Variants in PCGF3 observed in about 807,000 individuals in gnomAD.
PCGF3 encodes polycomb group ring finger 3.
A neutral mutation model predicts 33.1 loss-of-function variants in PCGF3; 7 were observed. The observed-to-expected ratio is 0.21, with a 90% CI of 0.12 to 0.40. The LOEUF is 0.40. PCGF3 is among the 10% of genes least tolerant of loss of function. The probability of loss-of-function intolerance (pLI) is 1.00; values close to 1 mark genes in which losing one functional copy is unlikely to be tolerated. For missense variants in PCGF3, 211 were observed against 313.3 expected (o/e 0.67, Z 2.46); for synonymous variants, 153 against 121.3 (o/e 1.26, Z -1.72).
chr4:755,599 T>C (rs1203251034), intron 8 of PCGF3, among the ~76,000 whole-genome samples: 2 of 152,226 alleles, frequency 1.3e-5, no homozygotes, highest in Admixed American at 1.3e-4. Flanking sequence ...GTTTCCCCAT[T>C]CTAAGGTCAT....
chr4:749,296 C>T (rs1744405635), intron 8 of PCGF3, among the ~76,000 whole-genome samples: 1 of 152,098 alleles, frequency 6.6e-6, no homozygotes, highest in South Asian at 2.1e-4. Context: ...TCCCAAGTAG[C>T]TGGGATTACA....
intron 1 of PCGF3, among the ~76,000 whole-genome samples, chr4:715,941 G>GT: frequency 1.9e-5 from 1 of 52,624 alleles, no homozygotes. Flanking sequence ...AGACACTGAG[G>GT]GTGAGAACTG....
intron 4 of PCGF3, chr4:734,662 C>T: frequency 7.7e-7 from 1 of 1,292,164 alleles, no homozygotes; most frequent in Non-Finnish European, 9.8e-7. Flanking sequence ...CTTTGAGCAT[C>T]ATCTCCCCAT....
chr4:747,679 T>G (rs1744318394), intron 8 of PCGF3, among the ~76,000 whole-genome samples: 1 of 138,544 alleles, frequency 7.2e-6, no homozygotes, highest in Non-Finnish European at 1.7e-5. Context: ...CGCTGCAGTG[T>G]TAGTGCTCGC....
At chr4:764,032 G>C (rs538556224) in intron 9 of PCGF3, among the ~76,000 whole-genome samples, 1 of 152,184 alleles carries the variant, frequency 6.6e-6, no homozygotes, top group Non-Finnish European at 1.5e-5. Context: ...GAGGCTGCAG[G>C]GGCTTGAGGA....
chr4:718,901 A>AT (rs1217370941), intron 1 of PCGF3, among the ~76,000 whole-genome samples: 1 of 152,174 alleles, frequency 6.6e-6, no homozygotes, highest in Non-Finnish European at 1.5e-5. Flanking sequence ...TGAGAATTAA[A>AT]TTCAAAGCGC....
At chr4:743,654 G>T in intron 7 of PCGF3, 70 bp downstream of exon 7, 1 of 894,520 alleles carries the variant, frequency 1.1e-6, no homozygotes, top group Non-Finnish European at 1.8e-6. Flanking sequence ...TAAAGAGCTG[G>T]CGCTGTCTGC....
intron 5 of PCGF3, among the ~76,000 whole-genome samples, chr4:736,864 G>A (rs1312730298): frequency 5.3e-5 from 7 of 131,528 alleles, no homozygotes; most frequent in Non-Finnish European, 9.8e-5. Flanking sequence ...TGTCCCCTGA[G>A]CGCACGGGAC....
At chr4:768,575 A>C (rs531718792) in exon 11 of PCGF3, 1 of 152,212 alleles carries the variant, frequency 6.6e-6, no homozygotes, top group Non-Finnish European at 1.5e-5. Context: ...GTCGTTTTCA[A>C]CAGCAGTGGG....
chr4:758,451 C>T (rs1396022283), intron 8 of PCGF3, among the ~76,000 whole-genome samples: 63 of 139,852 alleles, frequency 4.5e-4, no homozygotes, highest in South Asian at 2.4e-3. Flanking sequence ...CTTCTCCTTC[C>T]GGACTCCGGG....
chr4:733,481 G>T (rs1323234157), intron 3 of PCGF3, among the ~76,000 whole-genome samples, 191 bp from the exon 4 acceptor site: 1 of 152,208 alleles, frequency 6.6e-6, no homozygotes, highest in Non-Finnish European at 1.5e-5. Context: ...GCTTGTCCCA[G>T]TGCACGCAGA....
intron 6 of PCGF3, among the ~76,000 whole-genome samples, chr4:739,257 G>A (rs11723111): frequency 0.22 from 33,616 of 152,104 alleles, 4,395 homozygotes; most frequent in Admixed American, 0.34. Flanking sequence ...CTGGAGTTCA[G>A]TGGTGCTATC....
intron 6 of PCGF3, among the ~76,000 whole-genome samples, chr4:739,044 T>C (rs936618082): frequency 1.3e-5 from 2 of 152,162 alleles, no homozygotes; most frequent in African/African-American, 2.4e-5. Flanking sequence ...CTGTAAAGGC[T>C]GCAGTACGTA....
At chr4:716,573 C>G (rs376308051) in intron 1 of PCGF3, among the ~76,000 whole-genome samples, 4 of 111,544 alleles carry the variant, frequency 3.6e-5, no homozygotes, top group Admixed American at 1.9e-4. Flanking sequence ...AACTGGGCGT[C>G]GGTGCTGGGA....
chr4:730,686 G>A lies in PCGF3; in HGVS notation c.-151+18G>A, dbSNP rs142464906. The A allele has an allele frequency of 3.7e-3, 854 of 231,470 alleles. 8 individuals are homozygous for A. Among genetic ancestry groups the A allele is most frequent in the African/African-American group, 0.016 (735 of 44,576 alleles). 14.3% of individuals were successfully genotyped at this position (231,470 alleles called of 1,614,324 possible). On this transcript the variant is annotated intron_variant, in intron 2 of 10. Coordinates refer to ENST00000362003, the Ensembl canonical transcript of PCGF3. ...GTGCTCAGGTAAGTGCGCGTAGGCC[G>A]ACTGCCCTCTTCTTTCCGCACCTGT...
chr4:717,886 A>AGGGCCTGACCTCGAT (rs1347974586), intron 1 of PCGF3, among the ~76,000 whole-genome samples: 7 of 152,226 alleles, frequency 4.6e-5, no homozygotes, highest in Non-Finnish European at 1.0e-4. Context: ...TGGCAGGGCC[A>AGGGCCTGACCTCGAT]GGGCCTGACC....
chr4:742,611 G>A (rs908410180), intron 6 of PCGF3, among the ~76,000 whole-genome samples: 5 of 152,310 alleles, frequency 3.3e-5, no homozygotes, highest in South Asian at 2.1e-4. Context: ...GGCCTTTGCC[G>A]AGAGTCTGTT....
chr4:714,053 A>C (rs1742697773), intron 1 of PCGF3, among the ~76,000 whole-genome samples: 1 of 152,128 alleles, frequency 6.6e-6, no homozygotes, highest in Non-Finnish European at 1.5e-5. Flanking sequence ...CCAAGGTGTC[A>C]GTGTCAGGCG....
intron 6 of PCGF3, among the ~76,000 whole-genome samples, chr4:739,210 C>A (rs1363259949): frequency 6.6e-6 from 1 of 151,898 alleles, no homozygotes; most frequent in Non-Finnish European, 1.5e-5. Context: ...TTGTTTATTT[C>A]TTTATTTATT....
Sources: allele counts gnomAD v4.1 joint callset (sites outside exome capture counted in the v4.1 genomes callset), GRCh38; gene constraint gnomAD v4.1.1; transcripts MANE v1.5; gene names NCBI Gene and HGNC (gene_info 2026-07-23, HGNC 2026-07-21).